The following NBAS variants were observed in gnomAD, a reference collection of about 807,000 sequenced individuals.
NBAS encodes the protein NBAS subunit of NRZ tethering complex.
NBAS carries 219 observed loss-of-function variants against 302.5 expected under a neutral mutation model. The observed-to-expected ratio is 0.72, with a 90% CI of 0.65 to 0.81. The LOEUF (loss-of-function observed/expected upper bound fraction) is 0.81, where lower values mean the gene tolerates loss of function less well. NBAS is among the 30% of genes least tolerant of loss of function. NBAS has a pLI of 0.00. For synonymous variants in NBAS, 1,118 were observed against 1,021.6 expected (o/e 1.09, Z -1.80); for missense variants, 2,932 against 2,841.6 (o/e 1.03, Z -0.72).
At chr2:15,221,642 G>A (rs756871910) in intron 47 of NBAS, among the ~76,000 whole-genome samples, 9 of 152,218 alleles carry the variant, frequency 5.9e-5, no homozygotes, top group Non-Finnish European at 4.4e-5. Context: ...CAGAGAGGAC[G>A]TGGCATCTGA....
chr2:15,386,596 A>G (rs570526250), intron 28 of NBAS, among the ~76,000 whole-genome samples: 3 of 152,278 alleles, frequency 2.0e-5, no homozygotes, highest in South Asian at 2.1e-4. Context: ...TCTCAAATCC[A>G]TAACTCCAGT....
At chr2:15,298,941 G>A (rs555619810) in intron 40 of NBAS, among the ~76,000 whole-genome samples, 19 of 152,176 alleles carry the variant, frequency 1.2e-4, no homozygotes, top group African/African-American at 3.9e-4. Context: ...CTTCCCACCC[G>A]CTTGCCCCAC....
At chr2:15,494,182 T>C (rs890112401) in intron 11 of NBAS, among the ~76,000 whole-genome samples, 1 of 152,152 alleles carries the variant, frequency 6.6e-6, no homozygotes, top group Non-Finnish European at 1.5e-5. Context: ...TCGTTTTTAT[T>C]TTAATCATGA....
At chr2:14,786,035 A>G in the NBAS span, among the ~76,000 whole-genome samples, 1 of 151,988 alleles carries the variant, frequency 6.6e-6, no homozygotes, top group African/African-American at 2.4e-5. Flanking sequence ...CAACTTCTTC[A>G]AGGTTTAGTC....
At chr2:15,350,379 C>G (rs1325162656) in intron 35 of NBAS, among the ~76,000 whole-genome samples, 1 of 152,084 alleles carries the variant, frequency 6.6e-6, no homozygotes. Flanking sequence ...TGAAGCTTAC[C>G]ATTTGATGGA....
intron 19 of NBAS, among the ~76,000 whole-genome samples, chr2:15,465,193 C>T (rs1296196313): frequency 6.6e-6 from 1 of 152,152 alleles, no homozygotes; most frequent in Non-Finnish European, 1.5e-5. Context: ...AGGAACCGTT[C>T]AGAGCTCAGA....
At chr2:15,090,958 C>T in the NBAS span, among the ~76,000 whole-genome samples, 1 of 152,168 alleles carries the variant, frequency 6.6e-6, no homozygotes, top group Admixed American at 6.5e-5. Flanking sequence ...GAAAAGATTA[C>T]AGTACTCACC....
chr2:14,988,883 A>G, the NBAS span, among the ~76,000 whole-genome samples: 1 of 152,214 alleles, frequency 6.6e-6, no homozygotes, highest in Non-Finnish European at 1.5e-5. Flanking sequence ...CATGTGACAT[A>G]AAACATTTTG....
chr2:15,172,897 G>A (rs960976407), intron 51 of NBAS, among the ~76,000 whole-genome samples: 6 of 152,182 alleles, frequency 3.9e-5, no homozygotes, highest in Admixed American at 3.3e-4. Context: ...AAACAACTGT[G>A]TGACCTTGTT....
At chr2:15,083,845 A>C in the NBAS span, among the ~76,000 whole-genome samples, 1 of 152,196 alleles carries the variant, frequency 6.6e-6, no homozygotes, top group South Asian at 2.1e-4. Context: ...CCAGCATGTC[A>C]TTCTCAGCTC....
At chr2:15,111,261 TC>T in the NBAS span, among the ~76,000 whole-genome samples, 2 of 151,668 alleles carry the variant, frequency 1.3e-5, no homozygotes, top group Non-Finnish European at 2.9e-5. Context: ...CTCCAAATCA[TC>T]CCCCCAAAGC....
chr2:15,245,664 TG>T (rs906174459), intron 44 of NBAS, among the ~76,000 whole-genome samples: 1 of 132,322 alleles, frequency 7.6e-6, no homozygotes, highest in African/African-American at 3.2e-5. Flanking sequence ...GACGGACGGA[TG>T]GATGGATGGA....
chr2:15,534,616 C>T lies in NBAS; in HGVS notation c.673G>A (p.Glu225Lys). The part of the protein sequence containing the change: ...VSVGTNQSYQ[E>K]SHCFSFSSHY... Reference sequence around the variant, plus strand: ...CTACTGAAGCTGAAACAGTGACTTTCTTGGTAGCTCTGATTTGTTCCAACA... The same window carrying T: ...CTACTGAAGCTGAAACAGTGACTTTTTTGGTAGCTCTGATTTGTTCCAACA... Residue 225 changes from glutamate (E) to lysine (K), a missense_variant, in exon 9 of 52, where the codon GAA becomes AAA. Transcript: ENST00000281513. 6.2e-7 allele frequency: 1 copy of T among 1,613,716 alleles called. No individual in the cohort carries two copies. Among genetic ancestry groups the T allele is most frequent in the Non-Finnish European group, 8.5e-7 (1 of 1,179,720 alleles).
At chr2:15,233,794 A>G (rs1667478285) in intron 46 of NBAS, among the ~76,000 whole-genome samples, 1 of 152,208 alleles carries the variant, frequency 6.6e-6, no homozygotes, top group African/African-American at 2.4e-5. Flanking sequence ...GGCTCATTTG[A>G]TTTCAGTTCA....
the NBAS span, among the ~76,000 whole-genome samples, chr2:15,010,660 T>C: frequency 1.3e-5 from 2 of 152,170 alleles, no homozygotes; most frequent in Non-Finnish European, 2.9e-5. Flanking sequence ...AATAAACTAT[T>C]TTACAAGAAA....
the NBAS span, among the ~76,000 whole-genome samples, chr2:15,067,567 C>G: frequency 0.11 from 16,761 of 151,626 alleles, 1,036 homozygotes; most frequent in East Asian, 0.21. Context: ...TGTTAAGTGA[C>G]ATGTTAGTTG....
At chr2:15,060,484 CCT>C in the NBAS span, among the ~76,000 whole-genome samples, 3 of 152,064 alleles carry the variant, frequency 2.0e-5, no homozygotes, top group Non-Finnish European at 2.9e-5. Flanking sequence ...ATGCTGAGCC[CCT>C]GTTTATTCCT....
At chr2:15,082,366 G>A in the NBAS span, among the ~76,000 whole-genome samples, 5 of 152,172 alleles carry the variant, frequency 3.3e-5, no homozygotes, top group African/African-American at 1.2e-4. Flanking sequence ...CAGTGAAGAG[G>A]AAAGATGTGG....
At chr2:15,231,067 G>C (rs1254041980) in intron 47 of NBAS, among the ~76,000 whole-genome samples, 2 of 152,216 alleles carry the variant, frequency 1.3e-5, no homozygotes, top group African/African-American at 4.8e-5. Context: ...CTACAGGCCA[G>C]ATCGTCTCCC....
Sources: gnomAD v4.1 joint callset for allele counts (sites outside exome capture counted in the v4.1 genomes callset) on GRCh38, gnomAD v4.1.1 for gene constraint, MANE v1.5 for transcripts, NCBI Gene and HGNC (gene_info 2026-07-23, HGNC 2026-07-21) for gene names.